The following IGF1R variants were observed in gnomAD, a reference collection of about 807,000 sequenced individuals.
IGF1R encodes insulin like growth factor 1 receptor, also known as insulin-like growth factor 1 receptor.
Under a neutral mutation model 144.6 loss-of-function variants are expected in IGF1R, and 44 were observed. That is an observed-to-expected ratio of 0.30 (90% confidence interval 0.24 to 0.39). The LOEUF is 0.39. Ranked by LOEUF, IGF1R falls within the 10% of genes least tolerant of loss-of-function variation. The probability of loss-of-function intolerance (pLI) is 1.00; values close to 1 mark genes in which losing one functional copy is unlikely to be tolerated. For synonymous variants in IGF1R, 795 were observed against 722.8 expected, an observed-to-expected ratio of 1.10 and a Z score of -1.60; for missense variants, 1,355 against 1,833.7, an observed-to-expected ratio of 0.74 and a Z score of 4.77.
intron 4 of IGF1R, among the ~76,000 whole-genome samples, chr15:98,898,471 C>T (rs2014313484): frequency 6.6e-6 from 1 of 152,144 alleles, no homozygotes; most frequent in South Asian, 2.1e-4. Flanking sequence ...TGCTTCCTGC[C>T]CCACGTTTAA....
chr15:98,798,837 C>T (rs1402280926), intron 2 of IGF1R, among the ~76,000 whole-genome samples: 1 of 152,028 alleles, frequency 6.6e-6, no homozygotes, highest in Non-Finnish European at 1.5e-5. Flanking sequence ...GGCATAGGGA[C>T]AATGTTAATA....
chr15:98,813,267 G>A (rs932786898), intron 2 of IGF1R, among the ~76,000 whole-genome samples: 2 of 151,970 alleles, frequency 1.3e-5, no homozygotes, highest in Non-Finnish European at 2.9e-5. Context: ...CAAAGGCCAC[G>A]CCCCTCACTC....
At chr15:98,669,864 C>T (rs2052843654) in intron 1 of IGF1R, among the ~76,000 whole-genome samples, 1 of 152,272 alleles carries the variant, frequency 6.6e-6, no homozygotes, top group Non-Finnish European at 1.5e-5. Flanking sequence ...AGATGGTAGG[C>T]CTGCCCCCAG....
intron 2 of IGF1R, among the ~76,000 whole-genome samples, chr15:98,723,072 C>T (rs2054279406): frequency 6.6e-6 from 1 of 151,992 alleles, no homozygotes; most frequent in African/African-American, 2.4e-5. Context: ...AACCCGTGGC[C>T]ACCGAGAGAG....
chr15:98,835,299 G>A (rs1239324173), intron 2 of IGF1R, among the ~76,000 whole-genome samples: 1 of 152,164 alleles, frequency 6.6e-6, no homozygotes, highest in African/African-American at 2.4e-5. Flanking sequence ...GCTATTATGT[G>A]TAGGGGACTA....
intron 1 of IGF1R, among the ~76,000 whole-genome samples, chr15:98,690,001 G>A (rs939402501): frequency 6.6e-6 from 1 of 152,164 alleles, no homozygotes; most frequent in Non-Finnish European, 1.5e-5. Flanking sequence ...AGCAAGTAAG[G>A]AATGAACTTT....
intron 1 of IGF1R, among the ~76,000 whole-genome samples, chr15:98,679,999 G>C (rs755199790): frequency 1.3e-5 from 2 of 151,770 alleles, no homozygotes; most frequent in Non-Finnish European, 2.9e-5. Flanking sequence ...AGAATATAAA[G>C]AAAATATATA....
rs1292554284 is a variant in IGF1R at position 98,935,114 on chromosome 15, C to A, written c.3186+61C>A. On this transcript the variant is annotated intron_variant, in intron 16 of 20. Coordinates refer to ENST00000650285, the MANE Select transcript of IGF1R (RefSeq NM_000875.5). This position sits in a 1 kb window ranked among gnomAD's most constrained non-coding sequence, Gnocchi z 4.2. ...CAGGGAGAGGGTATCACACAAGCCTCCCAGTATGTTCTTGGCTGCATGTAC... is the reference window on the plus strand; with the variant it reads ...CAGGGAGAGGGTATCACACAAGCCTACCAGTATGTTCTTGGCTGCATGTAC... 4.4e-6 allele frequency: 6 copies of A among 1,376,236 alleles called. No homozygotes were observed. Among genetic ancestry groups the A allele is most frequent in the Non-Finnish European group, 6.2e-6 (6 of 968,002 alleles). The allele number at this position is 1,376,236 out of a possible 1,614,324, so 85.3% of individuals were successfully genotyped here.
rs886051568 is a variant in IGF1R at position 98,958,248 on chromosome 15, T to C, written c.*806T>C. On this transcript the variant is annotated 3_prime_UTR_variant, in exon 21 of 21. Coordinates refer to ENST00000650285, the MANE Select transcript of IGF1R (RefSeq NM_000875.5). ...TGGGGGAACTGGACACAATAGGTCT[T>C]TCTCTCAGTGAAGGTGGGGAGAAGC... is the stretch of plus-strand genomic sequence containing the variant. 1.3e-4 allele frequency: 30 copies of C among 231,458 alleles called. No homozygotes were observed. The East Asian group carries it at 1.8e-3, about 14-fold the overall frequency. 14.3% of individuals were successfully genotyped at this position (231,458 alleles called of 1,614,324 possible). A position where few individuals can be genotyped will look rare whatever the true frequency, so the allele number is the denominator to read the frequency against.
At position 98,859,866 on chromosome 15, in the gene IGF1R, G is replaced by T. The variant is rs180825594; in HGVS notation, c.641-31459G>T. Among the ~76,000 whole-genome samples, 158 of 152,282 alleles carry T rather than the reference G, an allele frequency of 1.0e-3. 1 individual carries two copies. Among genetic ancestry groups the T allele is most frequent in the African/African-American group, 3.7e-3 (155 of 41,546 alleles). ...CTTCTGTACTGTATATTTTTGTGCA[G>T]CCAAAGCAGCATGCCTTGCTTCTTG... On this transcript the variant is annotated intron_variant, in intron 2 of 20. Coordinates refer to ENST00000650285, the MANE Select transcript of IGF1R (RefSeq NM_000875.5).
At chr15:98,741,641 G>C (rs1316819478) in intron 2 of IGF1R, among the ~76,000 whole-genome samples, 2 of 152,204 alleles carry the variant, frequency 1.3e-5, no homozygotes, top group Non-Finnish European at 2.9e-5. Flanking sequence ...AGCTAGTCCA[G>C]CACTGCTCCG....
intron 19 of IGF1R, among the ~76,000 whole-genome samples, chr15:98,947,773 GTC>G (rs1485838594): frequency 2.0e-5 from 3 of 152,140 alleles, no homozygotes; most frequent in African/African-American, 4.8e-5. Flanking sequence ...AGGATTCTTT[GTC>G]CATGATACCC....
At chr15:98,767,632 T>G (rs1272530216) in intron 2 of IGF1R, among the ~76,000 whole-genome samples, 1 of 152,234 alleles carries the variant, frequency 6.6e-6, no homozygotes, top group Admixed American at 6.5e-5. Context: ...GTAGGTAGAT[T>G]TACCTTGAGT....
chr15:98,753,380 CTTTTTTTTTTTTT>C (rs1173073572), intron 2 of IGF1R, among the ~76,000 whole-genome samples: 2 of 60,286 alleles, frequency 3.3e-5, no homozygotes, highest in African/African-American at 6.8e-5. Context: ...CCATACCTGG[CTTTTTTTTTTTTT>C]TTTTTTTTTT....
intron 2 of IGF1R, among the ~76,000 whole-genome samples, chr15:98,837,307 C>T (rs371370652): frequency 1.3e-5 from 2 of 152,106 alleles, no homozygotes; most frequent in South Asian, 2.1e-4. Flanking sequence ...GGCGCAATCT[C>T]GGCTCACTGC....
chr15:98,795,351 C>G (rs1041313928), intron 2 of IGF1R, among the ~76,000 whole-genome samples: 2 of 152,168 alleles, frequency 1.3e-5, no homozygotes, highest in Non-Finnish European at 2.9e-5. Flanking sequence ...AAGTTAAAAA[C>G]TTAAAAATAC....
chr15:98,760,636 G>A (rs902945289), intron 2 of IGF1R, among the ~76,000 whole-genome samples: 3 of 152,160 alleles, frequency 2.0e-5, no homozygotes, highest in African/African-American at 4.8e-5. Context: ...CTCTTGCAAC[G>A]GGGCGTCTGC....
intron 2 of IGF1R, among the ~76,000 whole-genome samples, chr15:98,852,933 A>G (rs1468472501): frequency 6.6e-6 from 1 of 151,746 alleles, no homozygotes; most frequent in African/African-American, 2.4e-5. Flanking sequence ...TTTTCCTTTT[A>G]TTGCTCTCCA....
Position 98,779,608 on chromosome 15 carries a change from C to T in IGF1R, c.640+71501C>T, listed in dbSNP as rs193180854. On this transcript the variant is annotated intron_variant, in intron 2 of 20. Coordinates refer to ENST00000650285, the MANE Select transcript of IGF1R (RefSeq NM_000875.5). ...TGAAATTTTACTGTTTTGAGCTACA[C>T]GTTTCAAAATCTTTTCTGATGCGGA... is the stretch of plus-strand genomic sequence containing the variant. Among the ~76,000 whole-genome samples the T allele has an allele frequency of 4.5e-3, 684 of 152,306 alleles. 9 individuals are homozygous for T. Among genetic ancestry groups the T allele is most frequent in the African/African-American group, 0.015 (644 of 41,570 alleles).
Sources: gnomAD v4.1 joint callset for allele counts (sites outside exome capture counted in the v4.1 genomes callset) on GRCh38, gnomAD v4.1.1 for gene constraint, Gnocchi (gnomAD v3.1) non-coding constraint, MANE v1.5 for transcripts, NCBI Gene and HGNC (gene_info 2026-07-23, HGNC 2026-07-21) for gene names.